DNAJC6: variants seen among roughly 807,000 people sequenced by gnomAD.
DNAJC6 encodes DnaJ heat shock protein family (Hsp40) member C6.
Under a neutral mutation model 110.0 loss-of-function variants are expected in DNAJC6, and 34 were observed. The observed-to-expected ratio is 0.31, with a 90% CI of 0.24 to 0.41. The LOEUF is 0.41. DNAJC6 is among the 10% of genes least tolerant of loss of function. The probability of loss-of-function intolerance (pLI) is 1.00; values close to 1 mark genes in which losing one functional copy is unlikely to be tolerated. For synonymous variants in DNAJC6, 406 were observed against 437.2 expected (o/e 0.93, Z 0.89); for missense variants, 1,031 against 1,207.8 (o/e 0.85, Z 2.17).
At chr1:65,385,308 T>C (rs577787446) in intron 6 of DNAJC6, among the ~76,000 whole-genome samples, 4 of 152,346 alleles carry the variant, frequency 2.6e-5, no homozygotes, top group Admixed American at 2.6e-4. Flanking sequence ...TCACAATTTC[T>C]TCATTTTTTT....
chr1:65,389,538 G>T lies in DNAJC6; in HGVS notation c.1388-9G>T, dbSNP rs763771047. The T allele has an allele frequency of 1.9e-6, 3 of 1,613,880 alleles. No individual in the cohort carries two copies. In the East Asian group the frequency reaches 6.7e-5, roughly 36 times the overall value. ...CTCATTGATGCTACATGGTCTTTTTGTCTTGCAGGACAGGCTCCAATAGAT... is the reference window on the plus strand; with the variant it reads ...CTCATTGATGCTACATGGTCTTTTTTTCTTGCAGGACAGGCTCCAATAGAT... On this transcript the variant is annotated splice_polypyrimidine_tract_variant and intron_variant, in intron 10 of 18. Transcript: ENST00000371069.
rs1175210803 is a variant in DNAJC6 at position 65,414,383 on chromosome 1, A to G, written c.*1358A>G. 6.6e-6 allele frequency: 1 copy of G among 152,646 alleles called. No homozygotes were observed. The highest frequency in any genetic ancestry group is 1.5e-5 in the Non-Finnish European group (1 of 68,044). 9.5% of individuals were successfully genotyped at this position (152,646 alleles called of 1,614,324 possible). A position where few individuals can be genotyped will look rare whatever the true frequency, so the allele number is the denominator to read the frequency against. The stretch of plus-strand genomic sequence containing the variant: ...CATATACAATGTGCATTATACATAT[A>G]TATTAAATATATCCACAAAGCAGAT... On this transcript the variant is annotated 3_prime_UTR_variant, in exon 19 of 19. Coordinates refer to ENST00000371069, the MANE Select transcript of DNAJC6 (RefSeq NM_001256864.2).
intron 1 of DNAJC6, among the ~76,000 whole-genome samples, chr1:65,268,770 T>C (rs1179430817): frequency 1.3e-5 from 2 of 152,236 alleles, no homozygotes; most frequent in South Asian, 2.1e-4. Flanking sequence ...TAGAAAATGA[T>C]GGCTTTTGAC....
chr1:65,319,679 G>T (rs1321378578), intron 1 of DNAJC6, among the ~76,000 whole-genome samples: 1 of 152,070 alleles, frequency 6.6e-6, no homozygotes, highest in African/African-American at 2.4e-5. Context: ...CCTGACCCCA[G>T]AAATTCTCAG....
intron 5 of DNAJC6, among the ~76,000 whole-genome samples, chr1:65,383,255 C>G (rs1645840262): frequency 6.6e-6 from 1 of 152,208 alleles, no homozygotes; most frequent in African/African-American, 2.4e-5. Flanking sequence ...GACCGGGTGG[C>G]TTAAACAACA....
chr1:65,291,160 G>A (rs1644871668), intron 1 of DNAJC6, among the ~76,000 whole-genome samples: 1 of 152,176 alleles, frequency 6.6e-6, no homozygotes, highest in African/African-American at 2.4e-5. Context: ...AGCCTCATGA[G>A]TAGCTGGAAT....
chr1:65,353,937 A>G (rs974565851), intron 1 of DNAJC6, among the ~76,000 whole-genome samples: 3 of 152,174 alleles, frequency 2.0e-5, no homozygotes, highest in Admixed American at 6.5e-5. Context: ...AGACCAGATC[A>G]CTGCCAAAGT....
At chr1:65,269,856 A>G (rs1570191689) in intron 1 of DNAJC6, among the ~76,000 whole-genome samples, 1 of 152,228 alleles carries the variant, frequency 6.6e-6, no homozygotes, top group South Asian at 2.1e-4. Context: ...GGGCGCTGCC[A>G]TTGGCAGAAA....
intron 4 of DNAJC6, among the ~76,000 whole-genome samples, chr1:65,367,802 A>G (rs1206396661): frequency 1.3e-5 from 2 of 152,070 alleles, no homozygotes; most frequent in Admixed American, 6.6e-5. Flanking sequence ...AGGGTTTACC[A>G]AAGGAATCAG....
chr1:65,386,805 T>C lies in DNAJC6; in HGVS notation c.996-7T>C. On this transcript the variant is annotated splice_region_variant and splice_polypyrimidine_tract_variant and intron_variant, in intron 7 of 18. Transcript: ENST00000371069. ...CTTTCAATGTATATTTTGGTCTGTG[T>C]TTACAGAGAATATCGTGTCCAAGAT... is the stretch of plus-strand genomic sequence containing the variant. The C allele has an allele frequency of 1.4e-5, 22 of 1,612,436 alleles. No individual in the cohort carries two copies. Among genetic ancestry groups the C allele is most frequent in the Non-Finnish European group, 1.9e-5 (22 of 1,178,438 alleles).
intron 1 of DNAJC6, among the ~76,000 whole-genome samples, chr1:65,293,598 T>C (rs752969385): frequency 6.6e-6 from 1 of 152,152 alleles, no homozygotes; most frequent in Non-Finnish European, 1.5e-5. Context: ...AAATATAAAA[T>C]AATATTGCAT....
chr1:65,338,969 C>G (rs1414771382), intron 1 of DNAJC6, among the ~76,000 whole-genome samples: 2 of 152,186 alleles, frequency 1.3e-5, no homozygotes. Flanking sequence ...CTCCTCTGTG[C>G]TCCATTGATG....
upstream of DNAJC6, among the ~76,000 whole-genome samples, chr1:65,307,739 A>C (rs1645058161): frequency 1.3e-5 from 2 of 152,236 alleles, no homozygotes; most frequent in African/African-American, 4.8e-5. Flanking sequence ...GACTTCACAG[A>C]ATTATTACTT....
chr1:65,338,957 C>T (rs1196996737), intron 1 of DNAJC6, among the ~76,000 whole-genome samples: 1 of 152,172 alleles, frequency 6.6e-6, no homozygotes, highest in Non-Finnish European at 1.5e-5. Context: ...CTCTCAGGTG[C>T]TCTCCTCTGT....
At chr1:65,395,616 C>T (rs1465440546) in intron 13 of DNAJC6, among the ~76,000 whole-genome samples, 3 of 152,072 alleles carry the variant, frequency 2.0e-5, no homozygotes, top group African/African-American at 7.2e-5. Flanking sequence ...GCATGTGAAA[C>T]ATCTCATCAA....
intron 4 of DNAJC6, 128 bp from the exon 5 acceptor site, chr1:65,379,273 TC>T: frequency 5.3e-6 from 6 of 1,136,072 alleles, no homozygotes; most frequent in Non-Finnish European, 7.3e-6. Context: ...TGGACCCTGT[TC>T]CCACTATTCC....
At chr1:65,354,067 G>A (rs1350112082) in intron 1 of DNAJC6, among the ~76,000 whole-genome samples, 1 of 151,956 alleles carries the variant, frequency 6.6e-6, no homozygotes, top group East Asian at 1.9e-4. Flanking sequence ...TTGCACTTAG[G>A]GGACTGTGAA....
chr1:65,299,701 A>G (rs1248716222), intron 1 of DNAJC6, among the ~76,000 whole-genome samples: 1 of 152,150 alleles, frequency 6.6e-6, no homozygotes, highest in African/African-American at 2.4e-5. Context: ...GAGGTTATCA[A>G]ATTTGTCCAT....
At chr1:65,353,317 C>T (rs896144305) in intron 1 of DNAJC6, among the ~76,000 whole-genome samples, 3 of 152,170 alleles carry the variant, frequency 2.0e-5, no homozygotes, top group Non-Finnish European at 4.4e-5. Flanking sequence ...TTTCATAATG[C>T]AGAGCCTTTT....
Sources: allele counts gnomAD v4.1 joint callset (sites outside exome capture counted in the v4.1 genomes callset), GRCh38; gene constraint gnomAD v4.1.1; transcripts MANE v1.5; gene names NCBI Gene and HGNC (gene_info 2026-07-23, HGNC 2026-07-21).